NEDD1: variants seen among roughly 807,000 people sequenced by gnomAD.
The protein encoded by NEDD1 is NEDD1 gamma-tubulin ring complex targeting factor, also known as protein NEDD1.
NEDD1 carries 33 observed loss-of-function variants against 74.0 expected under a neutral mutation model. The observed-to-expected ratio is 0.45, with a 90% CI of 0.34 to 0.60. The LOEUF (loss-of-function observed/expected upper bound fraction) is 0.60. Ranked by LOEUF, NEDD1 falls within the 20% of genes least tolerant of loss-of-function variation. The probability of loss-of-function intolerance (pLI) is 0.01; values close to 1 mark genes in which losing one functional copy is unlikely to be tolerated. For missense variants in NEDD1, 746 were observed against 776.5 expected (o/e 0.96, Z 0.47); for synonymous variants, 250 against 264.4 (o/e 0.95, Z 0.53).
At chr12:96,927,329 A>T (rs1875823856) in intron 6 of NEDD1, among the ~76,000 whole-genome samples, 1 of 152,228 alleles carries the variant, frequency 6.6e-6, no homozygotes, top group Admixed American at 6.5e-5. Flanking sequence ...GTATATTTAG[A>T]ATCCAACTTT....
chr12:96,912,985 T>C (rs1053594090), intron 4 of NEDD1, among the ~76,000 whole-genome samples, 168 bp downstream of exon 4: 12 of 152,224 alleles, frequency 7.9e-5, no homozygotes, highest in African/African-American at 2.9e-4. Flanking sequence ...GTGTACTTAC[T>C]AAAGTATTTT....
chr12:96,945,539 G>A (rs546727549), intron 13 of NEDD1, among the ~76,000 whole-genome samples, 154 bp from the exon 14 acceptor site: 5 of 152,062 alleles, frequency 3.3e-5, no homozygotes, highest in Admixed American at 1.3e-4. Context: ...AAGTTTCTAA[G>A]ATTTGTATTC....
At chr12:96,933,241 A>C (rs991425503) in intron 6 of NEDD1, among the ~76,000 whole-genome samples, 2 of 152,154 alleles carry the variant, frequency 1.3e-5, no homozygotes, top group Admixed American at 6.5e-5. Flanking sequence ...AACTTCGAGA[A>C]TCTACCAGGT....
At chr12:96,935,351 TC>T (rs1876986105) in intron 7 of NEDD1, 146 bp downstream of exon 7, 2 of 606,934 alleles carry the variant, frequency 3.3e-6, no homozygotes, top group Non-Finnish European at 5.8e-6. Flanking sequence ...GAAAGAATTT[TC>T]TTCTTATGCA....
In NEDD1 at chr12:96,940,438, T is replaced by G; in HGVS notation, c.1147T>G (p.Leu383Val). The change falls in exon 10 of 16, where the codon TTA becomes GTA. Residue 383 changes from leucine to valine, a missense_variant. By Grantham distance (32) the Leu-to-Val change is conservative (BLOSUM62 1). This residue lies in a region of NEDD1 where 706 missense variants were observed against 706.7 expected (regional missense o/e 1.00). Coordinates refer to ENST00000266742, the MANE Select transcript of NEDD1 (RefSeq NM_152905.4). ...GLPRSINTDT[L>V]SKETDSGKNQ... ...GCCTCGAAGCATAAACACAGACACT[T>G]TATCTAAGGAAACAGACAGTGGAAA... 6.2e-7 allele frequency: 1 copy of G among 1,601,110 alleles called. No homozygotes were observed. The highest frequency in any genetic ancestry group is 1.1e-5 in the South Asian group (1 of 90,254).
Position 96,945,820 on chromosome 12 carries a change from C to T in NEDD1, c.1782C>T (p.Asn594=). 1 of 1,611,374 alleles carries T rather than the reference C, an allele frequency of 6.2e-7. No homozygotes were observed. The highest frequency in any genetic ancestry group is 8.5e-7 in the Non-Finnish European group (1 of 1,177,782). The change falls in exon 14 of 16, where the codon AAC becomes AAT. Residue 594 remains asparagine (N), a synonymous_variant. Coordinates refer to ENST00000266742, the MANE Select transcript of NEDD1 (RefSeq NM_152905.4). ...CCATTCAAATTCGTTTTATTCAGAA[C>T]ATGATACAGGAAACGTTGGATGACT... is the stretch of plus-strand genomic sequence containing the variant. ...LTSIQIRFIQ[N]MIQETLDDFR...
At chr12:96,915,216 T>G (rs1874312951) in intron 4 of NEDD1, among the ~76,000 whole-genome samples, 1 of 152,232 alleles carries the variant, frequency 6.6e-6, no homozygotes, top group South Asian at 2.1e-4. Context: ...GAAGGAACCC[T>G]GGGGTCCACA....
chr12:96,945,104 G>A (rs1878071210), intron 13 of NEDD1, among the ~76,000 whole-genome samples: 1 of 152,004 alleles, frequency 6.6e-6, no homozygotes, highest in Admixed American at 6.6e-5. Context: ...ACCTGAAAAT[G>A]TCTTTTTCTC....
intron 14 of NEDD1, among the ~76,000 whole-genome samples, chr12:96,946,351 G>A (rs1028540057): frequency 1.3e-5 from 2 of 152,156 alleles, no homozygotes; most frequent in African/African-American, 4.8e-5. Context: ...TTCTAAGAAT[G>A]TGTTCTACAA....
At chr12:96,910,659 G>C (rs79533977) in intron 3 of NEDD1, among the ~76,000 whole-genome samples, 3 of 152,118 alleles carry the variant, frequency 2.0e-5, no homozygotes, top group Middle Eastern at 3.2e-3. Context: ...GTCTTCACCC[G>C]TTAGGTACCA....
intron 3 of NEDD1, among the ~76,000 whole-genome samples, chr12:96,910,499 C>A (rs555820167): frequency 6.6e-6 from 1 of 152,172 alleles, no homozygotes; most frequent in Non-Finnish European, 1.5e-5. Context: ...GACACCTTCC[C>A]TGTCTTGGTG....
intron 3 of NEDD1, among the ~76,000 whole-genome samples, chr12:96,910,929 T>C (rs1168492032): frequency 6.6e-6 from 1 of 152,224 alleles, no homozygotes; most frequent in Non-Finnish European, 1.5e-5. Context: ...ATGTGACTGG[T>C]TCAGGAACAA....
intron 5 of NEDD1, 64 bp downstream of exon 5, chr12:96,917,801 C>G (rs182693851): frequency 3.0e-5 from 43 of 1,455,612 alleles, no homozygotes; most frequent in Admixed American, 2.2e-4. Context: ...GAGTACTTAC[C>G]AAGCTTTTAT....
At position 96,943,617 on chromosome 12, in the gene NEDD1, C is replaced by G; in HGVS notation, c.1352C>G (p.Thr451Ser). ...TTTCCTCCAAGAAAAAATCCAGTAA[C>G]TTCAAGTACTTCAGTATTGCATTCT... ...SVFPPRKNPV[T>S]SSTSVLHSSP... Residue 451 changes from threonine (T) to serine (S), a missense_variant, in exon 12 of 16, where the codon ACT becomes AGT. By Grantham distance (58) the Thr-to-Ser change is moderately conservative. Transcript: ENST00000266742. 6.2e-7 allele frequency: 1 copy of G among 1,612,732 alleles called. No individual in the cohort carries two copies. The highest frequency in any genetic ancestry group is 8.5e-7 in the Non-Finnish European group (1 of 1,178,894).
At chr12:96,948,623 A>G (rs960003067) in intron 14 of NEDD1, among the ~76,000 whole-genome samples, 1 of 152,172 alleles carries the variant, frequency 6.6e-6, no homozygotes, top group Admixed American at 6.5e-5. Context: ...AATACATCCT[A>G]AGTGGAAATC....
rs750088687 is a variant in NEDD1, at chr12:96,936,663, C to T, written c.772C>T (p.Pro258Ser). ...TCCTCTAACTGCGGTAGATTTCATGCCTGATGGAGCCACTTTGGCTATTGG... is the reference window on the plus strand; with the variant it reads ...TCCTCTAACTGCGGTAGATTTCATGTCTGATGGAGCCACTTTGGCTATTGG... The part of the protein sequence containing the change: ...DTPLTAVDFM[P>S]DGATLAIGSS... Residue 258 changes from proline (P) to serine (S), a missense_variant, in exon 8 of 16, where the codon CCT (proline) becomes TCT (serine). Pro to Ser is a moderately conservative substitution (Grantham distance 74). Coordinates refer to ENST00000266742, the MANE Select transcript of NEDD1 (RefSeq NM_152905.4). The T allele has an allele frequency of 1.2e-6, 2 of 1,613,702 alleles. No individual in the cohort carries two copies. The highest frequency in any genetic ancestry group is 1.1e-5 in the South Asian group (1 of 91,078).
intron 4 of NEDD1, among the ~76,000 whole-genome samples, chr12:96,916,211 GATTGGAA>G (rs1874419740): frequency 6.7e-6 from 1 of 150,036 alleles, no homozygotes. Flanking sequence ...TTCTTGGTGT[GATTGGAA>G]GCCGTTGAAG....
At chr12:96,940,908 T>C (rs1877599853) in intron 10 of NEDD1, among the ~76,000 whole-genome samples, 1 of 152,090 alleles carries the variant, frequency 6.6e-6, no homozygotes, top group South Asian at 2.1e-4. Flanking sequence ...TAAAAAATTG[T>C]GTGTGTATAG....
At chr12:96,923,593 A>G (rs1206338245) in intron 6 of NEDD1, among the ~76,000 whole-genome samples, 1 of 152,118 alleles carries the variant, frequency 6.6e-6, no homozygotes, top group Non-Finnish European at 1.5e-5. Flanking sequence ...ATGTTGAATG[A>G]TGTTAAGTAT....
Sources: allele counts gnomAD v4.1 joint callset (sites outside exome capture counted in the v4.1 genomes callset), GRCh38; gene constraint gnomAD v4.1.1; regional missense constraint gnomAD v4.1.1; transcripts MANE v1.5; gene names NCBI Gene and HGNC (gene_info 2026-07-23, HGNC 2026-07-21).